KDM5B: variants seen among roughly 807,000 people sequenced by gnomAD.
KDM5B encodes the protein lysine-specific demethylase 5B.
Under a neutral mutation model 193.4 loss-of-function variants are expected in KDM5B, and 144 were observed. The observed-to-expected ratio is 0.74, with a 90% confidence interval of 0.65 to 0.86. The LOEUF (loss-of-function observed/expected upper bound fraction) is 0.86, where lower values mean the gene tolerates loss of function less well. Among genes scored for constraint, KDM5B ranks in the 40% least tolerant of loss-of-function variants. The pLI is 0.00. For missense variants in KDM5B, 1,833 were observed against 1,886.9 expected (o/e 0.97, Z 0.53); for synonymous variants, 668 against 682.6 (o/e 0.98, Z 0.33).
intron 5 of KDM5B, chr1:202,766,521 A>T (rs571434314): frequency 4.6e-6 from 2 of 432,174 alleles, no homozygotes; most frequent in Admixed American, 2.8e-5. Flanking sequence ...AAAAAAAAAG[A>T]AGTCTGAGAA....
chr1:202,733,861 A>T lies in KDM5B; in HGVS notation c.3449T>A (p.Leu1150Gln). Residue 1150 changes from leucine (L) to glutamine (Q), a missense_variant, in exon 23 of 27, where the codon CTA (leucine) becomes CAA (glutamine). This residue lies in a region of KDM5B where 1,379 missense variants were observed against 1,349.6 expected (regional missense o/e 1.02). Coordinates refer to ENST00000367265, the MANE Select transcript of KDM5B (RefSeq NM_006618.5). ...AGACTGCAAGGCTTCCATTTCCCTT[A>T]GGCGAGCTTCCCCAAGAGTTGCCAT... ...SAMATLGEAR[L>Q]REMEALQSLR... is the part of the protein sequence containing the mutation. 1 of 1,612,166 alleles carries T rather than the reference A, an allele frequency of 6.2e-7. No homozygotes were observed. Among genetic ancestry groups the T allele is most frequent in the Non-Finnish European group, 8.5e-7 (1 of 1,178,952 alleles).
chr1:202,778,856 A>C lies in KDM5B; in HGVS notation c.205-1762T>G, dbSNP rs569203608. Among the ~76,000 whole-genome samples the C allele has an allele frequency of 8.5e-5, 13 of 152,248 alleles. No homozygotes were observed. The East Asian group carries it at 2.5e-3, about 29-fold the overall frequency. On this transcript the variant is annotated intron_variant, in intron 1 of 26. Transcript: ENST00000367265. ...AGGCTGGTCTCAAACTCCTGACCTC[A>C]TATGATCCGCCTGCCTCGGCCTCCC...
At chr1:202,756,102 G>A (rs1244587109) in intron 10 of KDM5B, among the ~76,000 whole-genome samples, 4 of 152,056 alleles carry the variant, frequency 2.6e-5, no homozygotes, top group African/African-American at 9.7e-5. Flanking sequence ...CTGGTCTCAG[G>A]CCTTCAGGTT....
At position 202,753,673 on chromosome 1, in the gene KDM5B, TTG is replaced by T. The variant is rs1491050846; in HGVS notation, c.1539-608_1539-607del. 6.7e-3 allele frequency among the ~76,000 whole-genome samples: 780 copies of T among 115,590 alleles called. 16 individuals carry two copies. Among genetic ancestry groups the T allele is most frequent in the East Asian group, 0.045 (113 of 2,512 alleles). 75.8% of individuals were successfully genotyped at this position (115,590 alleles called of 152,430 possible). A position where few individuals can be genotyped will look rare whatever the true frequency, so the allele number is the denominator to read the frequency against. On this transcript the variant is annotated intron_variant, in intron 11 of 26. Coordinates refer to ENST00000367265, the MANE Select transcript of KDM5B (RefSeq NM_006618.5). Reference sequence around the variant, plus strand: ...CTCTTTTGTTGTTGTTGTTTTTTTTTTGTTTTTTTTTTTTGAGACTGAGTCTT... The same window carrying T: ...CTCTTTTGTTGTTGTTGTTTTTTTTTTTTTTTTTTTTTGAGACTGAGTCTT...
chr1:202,741,139 T>C (rs1655320316), intron 19 of KDM5B, among the ~76,000 whole-genome samples: 1 of 152,144 alleles, frequency 6.6e-6, no homozygotes, highest in Non-Finnish European at 1.5e-5. Flanking sequence ...CTAGAAAAGG[T>C]GTGTCCAATT....
intron 14 of KDM5B, among the ~76,000 whole-genome samples, chr1:202,747,158 A>G (rs551263882): frequency 5.9e-5 from 9 of 152,146 alleles, no homozygotes; most frequent in Non-Finnish European, 8.8e-5. Context: ...ACTATTTCAT[A>G]TCTGCCAATT....
rs1161740528 is a variant in KDM5B, at chr1:202,741,561, G to A, written c.2751C>T (p.Ala917=). 1 of 1,614,064 alleles carries A rather than the reference G, an allele frequency of 6.2e-7. No individual in the cohort carries two copies. The highest frequency in any genetic ancestry group is 8.5e-7 in the Non-Finnish European group (1 of 1,180,050). ...LAEMRIRLEQ[A]RWLEEVQQAC... ...CTTGCTGCACCTCTTCTAGCCAACGGGCTTGTTCCAAACGGATACGCATCT... is the reference window on the plus strand; with the variant it reads ...CTTGCTGCACCTCTTCTAGCCAACGAGCTTGTTCCAAACGGATACGCATCT... Residue 917 remains alanine (A), a synonymous_variant, in exon 19 of 27, where the codon GCC becomes GCT. Coordinates refer to ENST00000367265, the MANE Select transcript of KDM5B (RefSeq NM_006618.5).
At chr1:202,731,702 A>T in intron 24 of KDM5B, 126 bp downstream of exon 24, 1 of 726,666 alleles carries the variant, frequency 1.4e-6, no homozygotes, top group Non-Finnish European at 2.4e-6. Context: ...GCAAATACAT[A>T]ATAGCCTATA....
Position 202,740,790 on chromosome 1 carries a change from G to A in KDM5B, c.2968C>T (p.Leu990Phe), listed in dbSNP as rs537208378. 21 of 1,612,248 alleles carry A rather than the reference G, an allele frequency of 1.3e-5. No individual in the cohort carries two copies. In the East Asian group the frequency reaches 4.7e-4, roughly 36 times the overall value. Residue 990 changes from leucine (L) to phenylalanine (F), a missense_variant, in exon 20 of 27, where the codon CTT becomes TTT. Transcript: ENST00000367265. ...TCGATTTCCTTTACTGCCGTAGCAA[G>A]GCTATTCAATGAATGTCGTGGCCTA... ...KARPRHSLNS[L>F]ATAVKEIEEI...
In KDM5B at chr1:202,729,777, T is replaced by C; in HGVS notation, c.4427A>G (p.Glu1476Gly). The C allele has an allele frequency of 6.2e-7, 1 of 1,614,036 alleles. No homozygotes were observed. ...HSLPSDTSYS[E>G]QEDSEDEDAI... The stretch of plus-strand genomic sequence containing the variant: ...ATCTTCATCCTCAGAGTCTTCCTGT[T>C]CGGAATAGGATGTGTCTGAGGGCAG... The change falls in exon 26 of 27, where the codon GAA (glutamate) becomes GGA (glycine). Residue 1476 changes from glutamate (E) to glycine (G), a missense_variant. Glu to Gly is a moderately conservative substitution (Grantham distance 98). This residue lies in a region of KDM5B where 1,379 missense variants were observed against 1,349.6 expected (regional missense o/e 1.02). Coordinates refer to ENST00000367265, the MANE Select transcript of KDM5B (RefSeq NM_006618.5).
At position 202,726,850 on chromosome 1, in the gene KDM5B, G is replaced by T. The variant is rs1228811700; in HGVS notation, c.*2186C>A. On this transcript the variant is annotated 3_prime_UTR_variant, in exon 27 of 27. Coordinates refer to ENST00000367265, the MANE Select transcript of KDM5B (RefSeq NM_006618.5). ...TAGGAGGAATACTGTAGGAAAACTG[G>T]AAGATAAAACCCAGGCTTTGTTATT... 1 of 152,202 alleles carries T rather than the reference G, an allele frequency of 6.6e-6. No homozygotes were observed. The highest frequency in any genetic ancestry group is 1.9e-4 in the East Asian group (1 of 5,200). 9.4% of individuals were successfully genotyped at this position (152,202 alleles called of 1,614,324 possible).
intron 4 of KDM5B, among the ~76,000 whole-genome samples, chr1:202,770,070 C>T (rs1171923568): frequency 1.3e-5 from 2 of 152,126 alleles, no homozygotes; most frequent in Non-Finnish European, 2.9e-5. Context: ...AAGGACTTTG[C>T]AGATCTAAGA....
In KDM5B at chr1:202,780,388, C is replaced by T. The variant is rs184157847; in HGVS notation, c.205-3294G>A. On this transcript the variant is annotated intron_variant, in intron 1 of 26. Transcript: ENST00000367265. ...TATTTTTAGTAGAAACAGGGTTTCA[C>T]CATGTTGGCCAGGCTGGTCTCGAAC... Among the ~76,000 whole-genome samples the T allele has an allele frequency of 2.6e-3, 389 of 152,170 alleles. 1 individual carries two copies. The highest frequency in any genetic ancestry group is 8.9e-3 in the African/African-American group (370 of 41,526).
intron 1 of KDM5B, among the ~76,000 whole-genome samples, chr1:202,789,318 C>T (rs967855641): frequency 2.0e-5 from 3 of 151,874 alleles, no homozygotes; most frequent in East Asian, 1.9e-4. Context: ...GTCAGGAGTT[C>T]GAGACCAGCC....
chr1:202,777,135 C>A lies in KDM5B; in HGVS notation c.205-41G>T, dbSNP rs1434955740. The A allele has an allele frequency of 3.5e-6, 5 of 1,431,340 alleles. No homozygotes were observed. The Admixed American group carries it at 8.8e-5, about 25-fold the overall frequency. The allele number at this position is 1,431,340 out of a possible 1,614,324, so 88.7% of individuals were successfully genotyped here. A position where few individuals can be genotyped will look rare whatever the true frequency, so the allele number is the denominator to read the frequency against. ...GGCTCTTATTAGAATAACTTATAAG[C>A]ATTTGACATTCAAAAATTTGTTTTA... On this transcript the variant is annotated intron_variant, in intron 1 of 26. Transcript: ENST00000367265.
chr1:202,789,948 T>C (rs903531605), intron 1 of KDM5B, among the ~76,000 whole-genome samples: 2 of 151,972 alleles, frequency 1.3e-5, no homozygotes, highest in African/African-American at 4.8e-5. Flanking sequence ...TAAGGCTGAG[T>C]GCAGTGGCTC....
At position 202,731,843 on chromosome 1, in the gene KDM5B, A is replaced by C. The variant is rs1194798669; in HGVS notation, c.4006T>G (p.Cys1336Gly). The change falls in exon 24 of 27, where the codon TGT (cysteine) becomes GGT (glycine). Residue 1336 changes from cysteine (C) to glycine (G), a missense_variant. Cys to Gly is a radical substitution (Grantham distance 159). Transcript: ENST00000367265. The part of the protein sequence containing the change: ...LHSPFSTGRS[C>G]IPLHGVSPEV... ...AAATACAAACCATGGAGGGGGATACAACTTCGTCCAGTTGAGAAGGGGGAG... is the reference window on the plus strand; with the variant it reads ...AAATACAAACCATGGAGGGGGATACCACTTCGTCCAGTTGAGAAGGGGGAG... The C allele has an allele frequency of 6.2e-7, 1 of 1,610,912 alleles. No homozygotes were observed. The highest frequency in any genetic ancestry group is 1.1e-5 in the South Asian group (1 of 91,034).
chr1:202,775,292 CT>C (rs934813711), intron 2 of KDM5B, among the ~76,000 whole-genome samples: 9 of 152,052 alleles, frequency 5.9e-5, no homozygotes, highest in African/African-American at 2.2e-4. Context: ...AATCCCAGCA[CT>C]TTGGGAGGCC....
In KDM5B at chr1:202,725,604, C is replaced by T. The variant is rs1319730438; in HGVS notation, c.*3432G>A. On this transcript the variant is annotated 3_prime_UTR_variant, in exon 27 of 27. Transcript: ENST00000367265. ...CGACACTGGGATCTTCATTGCTTTC[C>T]TCAGCTTGTCTTCCCAAGAAGCAAT... 6.6e-6 allele frequency: 1 copy of T among 152,202 alleles called. No homozygotes were observed. The highest frequency in any genetic ancestry group is 1.5e-5 in the Non-Finnish European group (1 of 68,038). 9.4% of individuals were successfully genotyped at this position (152,202 alleles called of 1,614,324 possible).
Sources: gnomAD v4.1 joint callset for allele counts (sites outside exome capture counted in the v4.1 genomes callset) on GRCh38, gnomAD v4.1.1 for gene constraint, gnomAD v4.1.1 regional missense constraint, MANE v1.5 for transcripts, NCBI Gene and HGNC (gene_info 2026-07-23, HGNC 2026-07-21) for gene names.